Variants in CDH13 observed in about 807,000 individuals in gnomAD.
The protein encoded by CDH13 is cadherin 13.
In CDH13, 24 loss-of-function variants were observed where a neutral mutation model predicts 63.8. The observed-to-expected ratio is 0.38, with a 90% CI of 0.27 to 0.53. The LOEUF (loss-of-function observed/expected upper bound fraction) is 0.53, where lower values mean the gene tolerates loss of function less well. CDH13 is among the 20% of genes least tolerant of loss of function. The pLI is 0.85. For missense variants in CDH13, 1,049 were observed against 903.1 expected (o/e 1.16, Z -2.07); for synonymous variants, 503 against 355.3 (o/e 1.42, Z -4.67).
chr16:83,437,864 T>C (rs796462920), intron 6 of CDH13, among the ~76,000 whole-genome samples: 1 of 152,014 alleles, frequency 6.6e-6, no homozygotes, highest in Admixed American at 6.6e-5. Context: ...AAAAAGCAAA[T>C]AAAGATTATT....
At chr16:83,494,272 T>C (rs1360068424) in intron 7 of CDH13, among the ~76,000 whole-genome samples, 1 of 152,198 alleles carries the variant, frequency 6.6e-6, no homozygotes, top group African/African-American at 2.4e-5. Flanking sequence ...CTAAAGAATG[T>C]TTTCATTTTT....
intron 2 of CDH13, among the ~76,000 whole-genome samples, chr16:83,000,601 G>GT (rs1393718061): frequency 4.5e-5 from 4 of 89,818 alleles, no homozygotes; most frequent in African/African-American, 1.2e-4. Context: ...GTTTTGTTTT[G>GT]TTTTTTGAGA....
intron 10 of CDH13, among the ~76,000 whole-genome samples, chr16:83,694,958 G>T (rs1406739071): frequency 6.6e-6 from 1 of 152,174 alleles, no homozygotes; most frequent in Non-Finnish European, 1.5e-5. Context: ...TATAATCCCA[G>T]CATTTAGGAA....
chr16:83,761,767 A>G (rs1434583158), intron 11 of CDH13, among the ~76,000 whole-genome samples: 1 of 152,240 alleles, frequency 6.6e-6, no homozygotes, highest in African/African-American at 2.4e-5. Flanking sequence ...AACTGTTATC[A>G]GTAATTTTAA....
chr16:83,199,514 AG>A (rs2038965617), intron 4 of CDH13, among the ~76,000 whole-genome samples: 1 of 152,260 alleles, frequency 6.6e-6, no homozygotes, highest in Non-Finnish European at 1.5e-5. Flanking sequence ...AGTTAAAAAA[AG>A]CAATAGAAAC....
intron 10 of CDH13, among the ~76,000 whole-genome samples, chr16:83,726,889 T>A (rs1182203326): frequency 6.6e-6 from 1 of 151,718 alleles, no homozygotes; most frequent in Non-Finnish European, 1.5e-5. Flanking sequence ...CAGTCAAGAG[T>A]ATTCTGAAGA....
chr16:83,299,295 A>T (rs1356690966), intron 5 of CDH13, among the ~76,000 whole-genome samples: 1 of 142,306 alleles, frequency 7.0e-6, no homozygotes, highest in East Asian at 2.0e-4. Context: ...AGGCCATGAA[A>T]AAAAAAAAAA....
At position 83,198,895 on chromosome 16, in the gene CDH13, A is replaced by C. The variant is rs115661433; in HGVS notation, c.484-18450A>C. On this transcript the variant is annotated intron_variant, in intron 4 of 13. Transcript: ENST00000567109. ...ATAATGGGGTTTTTTTTAAAGACAG[A>C]ATTGTGAAAGTTGTGAAACTATAAA... 8.6e-3 allele frequency among the ~76,000 whole-genome samples: 1,306 copies of C among 152,230 alleles called. 14 individuals carry two copies. The highest frequency in any genetic ancestry group is 0.029 in the African/African-American group (1,224 of 41,530).
chr16:83,674,846 C>G (rs1243885470), intron 9 of CDH13, among the ~76,000 whole-genome samples: 1 of 152,216 alleles, frequency 6.6e-6, no homozygotes, highest in Non-Finnish European at 1.5e-5. Context: ...TGAATATAAT[C>G]AACCCTACAT....
At chr16:83,144,485 C>T (rs1449484114) in intron 4 of CDH13, among the ~76,000 whole-genome samples, 1 of 152,222 alleles carries the variant, frequency 6.6e-6, no homozygotes, top group Non-Finnish European at 1.5e-5. Flanking sequence ...ATCAGCAATA[C>T]ATGATCAGAT....
chr16:83,602,776 G>A (rs1187864465), intron 8 of CDH13, among the ~76,000 whole-genome samples, 182 bp downstream of exon 8: 5 of 148,814 alleles, frequency 3.4e-5, no homozygotes, highest in Admixed American at 1.3e-4. Context: ...GTTTGTGTGT[G>A]AGGCTAAAAT....
At chr16:83,556,708 C>T (rs192334845) in intron 7 of CDH13, among the ~76,000 whole-genome samples, 1 of 152,292 alleles carries the variant, frequency 6.6e-6, no homozygotes, top group East Asian at 1.9e-4. Context: ...TCAAGAATGT[C>T]ACTTAGAATC....
chr16:82,876,571 C>T (rs1342998623), intron 2 of CDH13, among the ~76,000 whole-genome samples: 2 of 152,164 alleles, frequency 1.3e-5, no homozygotes, highest in Non-Finnish European at 2.9e-5. Flanking sequence ...ACATTGCTTT[C>T]AACTTCTGTA....
chr16:83,137,609 C>A (rs1177221200), intron 4 of CDH13, among the ~76,000 whole-genome samples: 6 of 152,130 alleles, frequency 3.9e-5, no homozygotes, highest in African/African-American at 1.4e-4. Context: ...TCAAAGAGAG[C>A]CACAAGGAAT....
At chr16:83,323,761 A>C (rs920454397) in intron 5 of CDH13, among the ~76,000 whole-genome samples, 1 of 152,128 alleles carries the variant, frequency 6.6e-6, no homozygotes, top group Non-Finnish European at 1.5e-5. Flanking sequence ...CTCTCCCTGC[A>C]CCCCTCTAGT....
rs190676964 is a variant in CDH13, at chr16:82,963,355, G to T, written c.158-68655G>T. Among the ~76,000 whole-genome samples, 3 of 152,208 alleles carry T rather than the reference G, an allele frequency of 2.0e-5. No individual in the cohort carries two copies. In the East Asian group the frequency reaches 5.8e-4, roughly 29 times the overall value. ...GAATGCACCATTGCACTCCAGCCTG[G>T]GCAACAAGAGTGAAACTCTGTCTCA... On this transcript the variant is annotated intron_variant, in intron 2 of 13. Coordinates refer to ENST00000567109, the MANE Select transcript of CDH13 (RefSeq NM_001257.5).
At chr16:83,355,145 A>T (rs555417734) in intron 6 of CDH13, among the ~76,000 whole-genome samples, 24 of 152,162 alleles carry the variant, frequency 1.6e-4, no homozygotes, top group Non-Finnish European at 3.1e-4. Flanking sequence ...GTGGAGAGAG[A>T]AATAGGGAAA....
intron 7 of CDH13, among the ~76,000 whole-genome samples, chr16:83,513,507 C>T (rs79655256): frequency 6.6e-6 from 1 of 152,142 alleles, no homozygotes; most frequent in African/African-American, 2.4e-5. Context: ...TTAATTGACT[C>T]ACACACAGTT....
chr16:82,812,372 A>G (rs1342130401), intron 1 of CDH13, among the ~76,000 whole-genome samples: 1 of 152,172 alleles, frequency 6.6e-6, no homozygotes, highest in African/African-American at 2.4e-5. Flanking sequence ...ATGAGCGAGA[A>G]GAGTGGTCAG....
Sources: gnomAD v4.1 joint callset for allele counts (sites outside exome capture counted in the v4.1 genomes callset) on GRCh38, gnomAD v4.1.1 for gene constraint, MANE v1.5 for transcripts, NCBI Gene and HGNC (gene_info 2026-07-23, HGNC 2026-07-21) for gene names.